Variants in OPHN1 observed in about 807,000 individuals in gnomAD.
OPHN1 encodes the protein oligophrenin 1, also known as oligophrenin-1.
Under a neutral mutation model 60.7 loss-of-function variants are expected in OPHN1, and 11 were observed. That is an observed-to-expected ratio of 0.18 (90% CI 0.11 to 0.30). The LOEUF is 0.30. OPHN1 is among the 10% of genes least tolerant of loss of function. OPHN1 has a pLI of 1.00. For missense variants in OPHN1, 449 were observed against 611.0 expected, an observed-to-expected ratio of 0.73 and a Z score of 2.80; for synonymous variants, 226 against 222.6, an observed-to-expected ratio of 1.02 and a Z score of -0.14.
chrX:68,068,011 A>G (rs5918809), intron 20 of OPHN1, among the ~76,000 whole-genome samples: 23,670 of 111,188 alleles, frequency 0.21, 2,031 homozygotes, highest in Middle Eastern at 0.29. Context: ...CTTCACTATA[A>G]AACAGAATTC....
At chrX:68,143,822 T>C (rs1170945574) in intron 15 of OPHN1, among the ~76,000 whole-genome samples, 1 of 111,830 alleles carries the variant, frequency 8.9e-6, no homozygotes, top group Non-Finnish European at 1.9e-5. Context: ...CATCGCTCTA[T>C]GTGCCTTTTC....
intron 15 of OPHN1, among the ~76,000 whole-genome samples, chrX:68,181,162 T>A (rs2147436974): frequency 9.0e-6 from 1 of 111,310 alleles, no homozygotes; most frequent in South Asian, 3.8e-4. Flanking sequence ...TCCTTAGTGC[T>A]GTAAGTAACA....
At chrX:68,107,934 G>A (rs776486109) in intron 18 of OPHN1, among the ~76,000 whole-genome samples, 6 of 111,783 alleles carry the variant, frequency 5.4e-5, no homozygotes, top group East Asian at 2.8e-4. Context: ...CAATACTCTT[G>A]CCCAATAGTT....
At chrX:68,177,519 G>A (rs1257274037) in intron 15 of OPHN1, among the ~76,000 whole-genome samples, 1 of 99,162 alleles carries the variant, frequency 1.0e-5, no homozygotes, top group South Asian at 4.4e-4. Flanking sequence ...AGAAATACCT[G>A]AGATTGCATA....
At chrX:68,236,829 A>G (rs1308131136) in intron 5 of OPHN1, among the ~76,000 whole-genome samples, 3 of 112,421 alleles carry the variant, frequency 2.7e-5, no homozygotes, top group Non-Finnish European at 5.6e-5. Context: ...CCATTTATTC[A>G]AAAGAGTATT....
intron 2 of OPHN1, among the ~76,000 whole-genome samples, chrX:68,366,787 G>T (rs1195243131): frequency 1.8e-5 from 2 of 111,823 alleles, no homozygotes; most frequent in African/African-American, 6.5e-5. Flanking sequence ...GATAACTAAC[G>T]TTTATTGAGC....
intron 2 of OPHN1, among the ~76,000 whole-genome samples, chrX:68,329,228 A>C (rs1040474211): frequency 6.2e-5 from 7 of 112,325 alleles, no homozygotes; most frequent in East Asian, 2.8e-4. Context: ...TCAAATCTTA[A>C]TGATGTGAAC....
chrX:68,108,619 T>C (rs1257783947), intron 18 of OPHN1, among the ~76,000 whole-genome samples: 1 of 111,679 alleles, frequency 9.0e-6, no homozygotes, highest in Non-Finnish European at 1.9e-5. Context: ...ATTATATTAC[T>C]ACTATTAATA....
intron 5 of OPHN1, among the ~76,000 whole-genome samples, chrX:68,248,318 C>T (rs746866103): frequency 9.1e-6 from 1 of 109,718 alleles, no homozygotes; most frequent in African/African-American, 3.3e-5. Context: ...AAAAGACATA[C>T]AAATGGCAAA....
intron 4 of OPHN1, among the ~76,000 whole-genome samples, chrX:68,279,482 A>G (rs1384144216): frequency 3.6e-5 from 4 of 109,707 alleles, no homozygotes; most frequent in Admixed American, 9.8e-5. Flanking sequence ...TCCTTCCCCA[A>G]TTTATATTCA....
intron 15 of OPHN1, among the ~76,000 whole-genome samples, chrX:68,140,615 G>A (rs2077238310): frequency 9.1e-6 from 1 of 109,505 alleles, no homozygotes. Flanking sequence ...ACCCCTGAAG[G>A]GCTGGGCTCC....
chrX:68,432,516 T>C (rs2078890513), intron 2 of OPHN1, among the ~76,000 whole-genome samples: 1 of 111,787 alleles, frequency 8.9e-6, no homozygotes, highest in Non-Finnish European at 1.9e-5. Flanking sequence ...TCAGCTTGGA[T>C]GTCACTTTGC....
chrX:68,322,220 C>T (rs1186601385), intron 2 of OPHN1, among the ~76,000 whole-genome samples: 1 of 111,269 alleles, frequency 9.0e-6, no homozygotes, highest in East Asian at 2.9e-4. Context: ...AATCTGCCCA[C>T]CTCAGACTCC....
At chrX:68,321,883 G>A (rs756975006) in intron 2 of OPHN1, among the ~76,000 whole-genome samples, 1 of 109,225 alleles carries the variant, frequency 9.2e-6, no homozygotes, top group Non-Finnish European at 1.9e-5. Context: ...ACCCAATATC[G>A]CACCATTGCA....
At chrX:68,159,302 A>G (rs950795992) in intron 15 of OPHN1, among the ~76,000 whole-genome samples, 3 of 111,757 alleles carry the variant, frequency 2.7e-5, no homozygotes, top group African/African-American at 6.5e-5. Flanking sequence ...ACAAACACAT[A>G]GCTGAGAAAA....
At chrX:68,316,041 C>G (rs1166098369) in intron 2 of OPHN1, among the ~76,000 whole-genome samples, 1 of 109,682 alleles carries the variant, frequency 9.1e-6, no homozygotes, top group Non-Finnish European at 1.9e-5. Flanking sequence ...ATATTAATAT[C>G]AGATAAAGTA....
chrX:68,112,038 C>A, intron 17 of OPHN1, 79 bp from the exon 18 acceptor site: 1 of 541,346 alleles, frequency 1.8e-6, no homozygotes, highest in South Asian at 2.5e-5. Flanking sequence ...TATATATGCA[C>A]AAACACACAC....
intron 6 of OPHN1, among the ~76,000 whole-genome samples, chrX:68,214,521 C>G (rs1394559410): frequency 8.9e-6 from 1 of 112,137 alleles, no homozygotes; most frequent in Non-Finnish European, 1.9e-5. Flanking sequence ...CACAGCCTAG[C>G]TCCTAGCCAG....
chrX:68,234,091 C>CAAAAAAA (rs33932284), intron 6 of OPHN1, among the ~76,000 whole-genome samples: 2 of 44,194 alleles, frequency 4.5e-5, no homozygotes, highest in Admixed American at 3.9e-4. Context: ...AACCCCTCAC[C>CAAAAAAA]AAAAAAAAAA....
Sources: allele counts gnomAD v4.1 joint callset (sites outside exome capture counted in the v4.1 genomes callset), GRCh38; gene constraint gnomAD v4.1.1; transcripts MANE v1.5; gene names NCBI Gene and HGNC (gene_info 2026-07-23, HGNC 2026-07-21).